The following TXNRD1 variants were observed in gnomAD, a reference collection of about 807,000 sequenced individuals.
The protein encoded by TXNRD1 is thioredoxin reductase 1, cytoplasmic.
TXNRD1 carries 57 observed loss-of-function variants against 80.3 expected under a neutral mutation model. The ratio of observed to expected loss-of-function variants is 0.71; its 90% CI spans 0.57 to 0.89. The LOEUF is 0.89. Ranked by LOEUF, TXNRD1 falls within the 40% of genes least tolerant of loss-of-function variation. The probability of loss-of-function intolerance (pLI) is 0.00; values close to 1 mark genes in which losing one functional copy is unlikely to be tolerated. For synonymous variants in TXNRD1, 291 were observed against 285.2 expected, an observed-to-expected ratio of 1.02 and a Z score of -0.20; for missense variants, 730 against 803.0, an observed-to-expected ratio of 0.91 and a Z score of 1.10.
chr12:104,267,673 C>CTTTGTTTCTTTG (rs2033543605), intron 3 of TXNRD1, among the ~76,000 whole-genome samples: 1 of 63,264 alleles, frequency 1.6e-5, no homozygotes, highest in Non-Finnish European at 3.3e-5. Flanking sequence ...TTCTTTCTTT[C>CTTTGTTTCTTTG]TTTCTTTCTT....
intron 16 of TXNRD1, among the ~76,000 whole-genome samples, chr12:104,342,730 G>C (rs1029594816): frequency 6.6e-6 from 1 of 152,140 alleles, no homozygotes; most frequent in Admixed American, 6.6e-5. Context: ...ACTAAGGAAG[G>C]GTATTTTGAC....
chr12:104,329,962 C>CTG (rs2135859339), intron 13 of TXNRD1, among the ~76,000 whole-genome samples: 1 of 152,360 alleles, frequency 6.6e-6, no homozygotes, highest in East Asian at 1.9e-4. Flanking sequence ...CAGGCTTGCA[C>CTG]TGCCTCTTGG....
chr12:104,242,151 G>A (rs2032884959), intron 1 of TXNRD1, among the ~76,000 whole-genome samples: 1 of 151,050 alleles, frequency 6.6e-6, no homozygotes, highest in African/African-American at 2.4e-5. Context: ...GTTGGCCAGA[G>A]TGGTCTTGAA....
At chr12:104,267,255 C>CTTTCTTTCTTTCTTTT (rs2033520425) in intron 3 of TXNRD1, among the ~76,000 whole-genome samples, 1 of 132,022 alleles carries the variant, frequency 7.6e-6, no homozygotes, top group Admixed American at 8.2e-5. Context: ...TTCTTTCTTT[C>CTTTCTTTCTTTCTTTT]TTTCTTTCTT....
At position 104,238,125 on chromosome 12, in the gene TXNRD1, G is replaced by A. The variant is rs115048915; in HGVS notation, c.92-13402G>A. Reference sequence around the variant, plus strand: ...CAAGGATTATTGGTAAAATGCAAGCGTCATCAAAATGCAAATAGGTGGTCT... The same window carrying A: ...CAAGGATTATTGGTAAAATGCAAGCATCATCAAAATGCAAATAGGTGGTCT... On this transcript the variant is annotated intron_variant, in intron 1 of 16. Coordinates refer to ENST00000525566, the MANE Select transcript of TXNRD1 (RefSeq NM_001093771.3). 4.0e-3 allele frequency among the ~76,000 whole-genome samples: 607 copies of A among 152,208 alleles called. 2 individuals carry two copies. Among genetic ancestry groups the A allele is most frequent in the African/African-American group, 0.014 (578 of 41,508 alleles).
At chr12:104,258,332 A>C in intron 3 of TXNRD1, 1 of 348,710 alleles carries the variant, frequency 2.9e-6, no homozygotes. Flanking sequence ...CTTATTACTC[A>C]TGAATCTAGT....
chr12:104,239,100 G>A (rs973184133), intron 1 of TXNRD1, among the ~76,000 whole-genome samples: 1 of 152,078 alleles, frequency 6.6e-6, no homozygotes, highest in Non-Finnish European at 1.5e-5. Context: ...TCTGTTTTTG[G>A]AAAGAGTGTG....
At chr12:104,232,022 G>A (rs928728467) in intron 1 of TXNRD1, among the ~76,000 whole-genome samples, 1 of 152,210 alleles carries the variant, frequency 6.6e-6, no homozygotes, top group Non-Finnish European at 1.5e-5. Flanking sequence ...GACTGTGTGT[G>A]TTGTTCATAG....
At chr12:104,255,564 C>T (rs906906634) in intron 2 of TXNRD1, among the ~76,000 whole-genome samples, 23 of 152,030 alleles carry the variant, frequency 1.5e-4, no homozygotes, top group Admixed American at 5.9e-4. Context: ...TTTGGGAGGC[C>T]GAGGCGGGCG....
chr12:104,335,186 A>G (rs1042607845), intron 15 of TXNRD1, among the ~76,000 whole-genome samples: 3 of 145,008 alleles, frequency 2.1e-5, no homozygotes, highest in Non-Finnish European at 4.5e-5. Flanking sequence ...TACAATATGC[A>G]ATATATTACA....
intron 4 of TXNRD1, among the ~76,000 whole-genome samples, chr12:104,294,020 A>G (rs1362392748): frequency 6.6e-6 from 1 of 152,200 alleles, no homozygotes; most frequent in East Asian, 1.9e-4. Flanking sequence ...ATCAGGGACT[A>G]TTAGTATTTT....
intron 14 of TXNRD1, among the ~76,000 whole-genome samples, 185 bp downstream of exon 14, chr12:104,331,826 G>A (rs1327497142): frequency 6.6e-6 from 1 of 151,976 alleles, no homozygotes; most frequent in African/African-American, 2.4e-5. Context: ...TTCTGTGTGT[G>A]TGTGTGTGTG....
rs181575429 is a variant in TXNRD1, at chr12:104,249,662, G to A, written c.92-1865G>A. Among the ~76,000 whole-genome samples, 361 of 152,044 alleles carry A rather than the reference G, an allele frequency of 2.4e-3. 2 individuals are homozygous for A. Among genetic ancestry groups the A allele is most frequent in the African/African-American group, 8.2e-3 (339 of 41,460 alleles). ...CGATGAAAGTGAAAGCTTGCCAGGC[G>A]CGGTGGTTCACGCCTGTAATCTTAG... On this transcript the variant is annotated intron_variant, in intron 1 of 16. Coordinates refer to ENST00000525566, the MANE Select transcript of TXNRD1 (RefSeq NM_001093771.3).
intron 4 of TXNRD1, among the ~76,000 whole-genome samples, chr12:104,290,177 T>A (rs1389154975): frequency 6.6e-6 from 1 of 152,258 alleles, no homozygotes; most frequent in African/African-American, 2.4e-5. Context: ...GTTGCAGCCT[T>A]AGGAAAAATA....
intron 5 of TXNRD1, among the ~76,000 whole-genome samples, chr12:104,311,613 A>G (rs186605686): frequency 1.1e-3 from 166 of 152,306 alleles, no homozygotes; most frequent in African/African-American, 3.7e-3. Flanking sequence ...TACATTCCTT[A>G]TATTAAAGTA....
chr12:104,332,340 TAAA>T (rs1333426617), intron 14 of TXNRD1, among the ~76,000 whole-genome samples: 4 of 152,304 alleles, frequency 2.6e-5, no homozygotes, highest in African/African-American at 9.6e-5. Context: ...TTTTTAAAAA[TAAA>T]AAGCCTATTT....
intron 1 of TXNRD1, among the ~76,000 whole-genome samples, chr12:104,222,737 G>A (rs2032382737): frequency 6.6e-6 from 1 of 152,188 alleles, no homozygotes; most frequent in Non-Finnish European, 1.5e-5. Context: ...TGTAATCCCA[G>A]CTACTCAGGA....
At chr12:104,226,695 G>A (rs2032481483) in intron 1 of TXNRD1, among the ~76,000 whole-genome samples, 1 of 152,140 alleles carries the variant, frequency 6.6e-6, no homozygotes, top group African/African-American at 2.4e-5. Context: ...TGAAGTGAAT[G>A]GATGAATATT....
intron 3 of TXNRD1, among the ~76,000 whole-genome samples, chr12:104,268,367 C>T (rs1030285494): frequency 2.7e-5 from 4 of 150,470 alleles, no homozygotes; most frequent in Non-Finnish European, 5.9e-5. Context: ...AAAAAAAAAC[C>T]CACCCATATT....
Sources: allele counts gnomAD v4.1 joint callset (sites outside exome capture counted in the v4.1 genomes callset), GRCh38; gene constraint gnomAD v4.1.1; transcripts MANE v1.5; gene names NCBI Gene and HGNC (gene_info 2026-07-23, HGNC 2026-07-21).